Variants in RABGAP1 observed in about 807,000 individuals in gnomAD.
The protein encoded by RABGAP1 is rab GTPase-activating protein 1.
RABGAP1 carries 23 observed loss-of-function variants against 137.6 expected under a neutral mutation model. The ratio of observed to expected loss-of-function variants is 0.17; its 90% CI spans 0.12 to 0.24. RABGAP1 has a LOEUF of 0.24. Among genes scored for constraint, RABGAP1 ranks in the 10% least tolerant of loss-of-function variants. The pLI is 1.00. For synonymous variants in RABGAP1, 451 were observed against 450.7 expected (o/e 1.00, Z -0.01); for missense variants, 906 against 1,275.8 (o/e 0.71, Z 4.42).
At chr9:122,936,559 G>A (rs763408056), upstream of RABGAP1, among the ~76,000 whole-genome samples, 11 of 152,164 alleles carry the variant, frequency 7.2e-5, no homozygotes, top group Non-Finnish European at 4.4e-5. Context: ...CCTGTAGCAC[G>A]CAGCTGTATC....
At chr9:123,044,956 A>T (rs1343869515) in intron 13 of RABGAP1, among the ~76,000 whole-genome samples, 1 of 152,218 alleles carries the variant, frequency 6.6e-6, no homozygotes, top group African/African-American at 2.4e-5. Flanking sequence ...TAATGAAGTG[A>T]TCTACAATTT....
chr9:122,949,937 G>T (rs569766641), intron 1 of RABGAP1, among the ~76,000 whole-genome samples: 9 of 152,236 alleles, frequency 5.9e-5, no homozygotes, highest in African/African-American at 2.2e-4. Context: ...ATATGAAAAG[G>T]CTTGAAAGCA....
chr9:123,047,775 A>C (rs2033269697), intron 13 of RABGAP1, among the ~76,000 whole-genome samples: 1 of 152,126 alleles, frequency 6.6e-6, no homozygotes, highest in Admixed American at 6.6e-5. Context: ...GTGTGAATGC[A>C]GACCTCTTAC....
chr9:122,995,426 T>C (rs982115458), intron 6 of RABGAP1, among the ~76,000 whole-genome samples: 9 of 152,222 alleles, frequency 5.9e-5, no homozygotes. Context: ...TACTTACTTT[T>C]TTTGAGTTCT....
chr9:122,936,688 C>T (rs1292866493), upstream of RABGAP1, among the ~76,000 whole-genome samples: 1 of 152,208 alleles, frequency 6.6e-6, no homozygotes, highest in Non-Finnish European at 1.5e-5. Flanking sequence ...GGCAGGTTGC[C>T]ACTGTTTTGA....
chr9:122,997,213 T>C lies in RABGAP1; in HGVS notation c.1102-46T>C, dbSNP rs115943565. 1.9e-3 allele frequency: 2,674 copies of C among 1,443,472 alleles called. 54 individuals carry two copies. The African/African-American group carries it at 0.034, about 18-fold the overall frequency. The allele number at this position is 1,443,472 out of a possible 1,614,324, so 89.4% of individuals were successfully genotyped here. On this transcript the variant is annotated intron_variant, in intron 8 of 25. Transcript: ENST00000373647. ...GCAGCAAGATGGGGGTTAACTGTTG[T>C]TCACTCACTGTGGCATTCGGGTTTA...
At chr9:123,014,138 A>T (rs1214303303) in intron 11 of RABGAP1, among the ~76,000 whole-genome samples, 1 of 151,744 alleles carries the variant, frequency 6.6e-6, no homozygotes, top group Non-Finnish European at 1.5e-5. Flanking sequence ...AAAGTTAAAA[A>T]CTCTCTGAGT....
chr9:123,035,078 C>A (rs2032548893), intron 13 of RABGAP1: 1 of 1,614,122 alleles, frequency 6.2e-7, no homozygotes, highest in Non-Finnish European at 8.5e-7. Context: ...TGGGGCAAAC[C>A]TGGATATCAT....
intron 2 of RABGAP1, among the ~76,000 whole-genome samples, chr9:122,981,515 C>T (rs2131731508): frequency 1.3e-5 from 2 of 152,148 alleles, no homozygotes; most frequent in South Asian, 4.1e-4. Flanking sequence ...AGTGCAGTTC[C>T]CAGACTAGCA....
chr9:122,977,641 G>A (rs1445452066), intron 2 of RABGAP1, among the ~76,000 whole-genome samples: 1 of 152,188 alleles, frequency 6.6e-6, no homozygotes, highest in African/African-American at 2.4e-5. Flanking sequence ...AGGAGGCAGA[G>A]GTTGCAGTGA....
At chr9:123,025,538 C>CTT (rs1452946198) in intron 13 of RABGAP1, among the ~76,000 whole-genome samples, 19 of 24,902 alleles carry the variant, frequency 7.6e-4, no homozygotes, top group African/African-American at 1.5e-3. Flanking sequence ...TCAGATCTTT[C>CTT]TTTTCTTTTT....
intron 13 of RABGAP1, among the ~76,000 whole-genome samples, chr9:123,044,848 C>T (rs1157202697): frequency 2.6e-5 from 4 of 152,056 alleles, no homozygotes; most frequent in Non-Finnish European, 5.9e-5. Context: ...TAGTCTGATT[C>T]CTCTCCTCAC....
At chr9:123,002,172 A>G (rs2131838768) in intron 10 of RABGAP1, among the ~76,000 whole-genome samples, 1 of 152,084 alleles carries the variant, frequency 6.6e-6, no homozygotes, top group South Asian at 2.1e-4. Flanking sequence ...GTAGTGGCGC[A>G]TGCCTGTAAT....
chr9:123,058,570 C>T (rs949496339), intron 13 of RABGAP1, among the ~76,000 whole-genome samples: 1 of 151,296 alleles, frequency 6.6e-6, no homozygotes, highest in South Asian at 2.1e-4. Flanking sequence ...TTTTAAAATG[C>T]AGTAAGGTAT....
intron 13 of RABGAP1, among the ~76,000 whole-genome samples, chr9:123,023,895 T>C (rs2031803270): frequency 6.6e-6 from 1 of 152,254 alleles, no homozygotes; most frequent in East Asian, 1.9e-4. Context: ...TTTTTTTTGC[T>C]TAGCTTCTTC....
At chr9:122,988,441 G>A (rs772694973) in intron 4 of RABGAP1, among the ~76,000 whole-genome samples, 4 of 151,256 alleles carry the variant, frequency 2.6e-5, no homozygotes, top group Non-Finnish European at 5.9e-5. Flanking sequence ...GTAGATTTTT[G>A]AATGAATGCT....
At chr9:123,084,905 A>G (rs2034820420) in intron 19 of RABGAP1, among the ~76,000 whole-genome samples, 1 of 152,106 alleles carries the variant, frequency 6.6e-6, no homozygotes, top group African/African-American at 2.4e-5. Flanking sequence ...CAGAGCCAGG[A>G]CTCCAGCCTT....
At chr9:122,986,068 A>G in intron 3 of RABGAP1, 147 bp from the exon 4 acceptor site, 1 of 697,414 alleles carries the variant, frequency 1.4e-6, no homozygotes, top group Non-Finnish European at 2.3e-6. Context: ...TCTGGTTTTC[A>G]TGGGCATTTC....
chr9:123,094,239 G>A (rs1335414383), intron 21 of RABGAP1, among the ~76,000 whole-genome samples: 1 of 151,814 alleles, frequency 6.6e-6, no homozygotes, highest in Non-Finnish European at 1.5e-5. Flanking sequence ...TCTTTTTCTT[G>A]TCTCACTGCA....
Sources: allele counts gnomAD v4.1 joint callset (sites outside exome capture counted in the v4.1 genomes callset), GRCh38; gene constraint gnomAD v4.1.1; transcripts MANE v1.5; gene names NCBI Gene and HGNC (gene_info 2026-07-23, HGNC 2026-07-21).